SLCO1A2: variants seen among roughly 807,000 people sequenced by gnomAD.
SLCO1A2 encodes the protein OATP-1.
In SLCO1A2, 67 loss-of-function variants were observed where a neutral mutation model predicts 69.0. That is an observed-to-expected ratio of 0.97 (90% CI 0.80 to 1.19). The LOEUF (loss-of-function observed/expected upper bound fraction) is 1.19, where lower values mean the gene tolerates loss of function less well. SLCO1A2 is among the 50% of genes most tolerant of loss of function. The pLI, the probability that SLCO1A2 is intolerant of heterozygous loss-of-function variation, is 0.00. For synonymous variants in SLCO1A2, 260 were observed against 265.9 expected, an observed-to-expected ratio of 0.98 and a Z score of 0.22; for missense variants, 787 against 793.7, an observed-to-expected ratio of 0.99 and a Z score of 0.10.
chr12:21,319,697 G>A (rs917971560), intron 2 of SLCO1A2: 1 of 317,248 alleles, frequency 3.2e-6, no homozygotes, highest in Non-Finnish European at 6.3e-6. Flanking sequence ...CTTACTGCTT[G>A]CCTAATATAT....
chr12:21,323,542 G>A (rs1377166031), intron 2 of SLCO1A2, among the ~76,000 whole-genome samples: 1 of 152,124 alleles, frequency 6.6e-6, no homozygotes, highest in Non-Finnish European at 1.5e-5. Context: ...TCCAGCCTGG[G>A]TGACAGAGTA....
chr12:21,297,561 T>A lies in SLCO1A2; in HGVS notation c.918A>T (p.Leu306=). 6.4e-7 allele frequency: 1 copy of A among 1,565,440 alleles called. No individual in the cohort carries two copies. Among genetic ancestry groups the A allele is most frequent in the East Asian group, 2.3e-5 (1 of 43,504 alleles). The part of the protein sequence containing the change: ...KEKYGITKDF[L]PFMKSLSCNP... ...TGCAGGAAAGACTTTTCATGAAAGG[T>A]AGAAAATCTGAAATGAAAGAATGAC... Residue 306 remains leucine (L), a synonymous_variant, in exon 9 of 15, where the codon CTA becomes CTT. Transcript: ENST00000683939.
intron 5 of SLCO1A2, among the ~76,000 whole-genome samples, chr12:21,306,511 G>C (rs1407415623): frequency 1.3e-5 from 2 of 152,180 alleles, no homozygotes; most frequent in Non-Finnish European, 2.9e-5. Flanking sequence ...TTTTTTAATA[G>C]AGGTGGGGTT....
At chr12:21,411,429 C>T (rs772760359) in intron 1 of SLCO1A2, among the ~76,000 whole-genome samples, 1 of 152,126 alleles carries the variant, frequency 6.6e-6, no homozygotes, top group Non-Finnish European at 1.5e-5. Context: ...AAACATATTT[C>T]GACCTGTTTC....
At chr12:21,333,862 A>G (rs1952759786) in intron 2 of SLCO1A2, among the ~76,000 whole-genome samples, 1 of 152,052 alleles carries the variant, frequency 6.6e-6, no homozygotes. Flanking sequence ...GATTTATATC[A>G]TAATTCTCCA....
intron 2 of SLCO1A2, among the ~76,000 whole-genome samples, chr12:21,367,183 T>C (rs1347807035): frequency 6.6e-6 from 1 of 152,164 alleles, no homozygotes. Context: ...TACAATGAAA[T>C]AATGCCTTTA....
intron 2 of SLCO1A2, among the ~76,000 whole-genome samples, chr12:21,363,457 T>C (rs1441731865): frequency 1.3e-5 from 2 of 152,136 alleles, no homozygotes; most frequent in Non-Finnish European, 2.9e-5. Context: ...AGATCTTAAA[T>C]TGACACCCTA....
intron 14 of SLCO1A2, among the ~76,000 whole-genome samples, chr12:21,273,622 C>A (rs1168808909): frequency 6.6e-6 from 1 of 152,114 alleles, no homozygotes; most frequent in African/African-American, 2.4e-5. Context: ...TGAGGCCAAC[C>A]CTCAATAGTG....
intron 1 of SLCO1A2, among the ~76,000 whole-genome samples, chr12:21,415,143 G>A (rs1463406650): frequency 6.6e-6 from 1 of 151,826 alleles, no homozygotes; most frequent in Non-Finnish European, 1.5e-5. Flanking sequence ...ACTTAGACCT[G>A]CTGTTATTAT....
intron 1 of SLCO1A2, among the ~76,000 whole-genome samples, chr12:21,405,711 G>A (rs1941813076): frequency 6.6e-6 from 1 of 152,148 alleles, no homozygotes; most frequent in Admixed American, 6.6e-5. Flanking sequence ...GCCATATGCA[G>A]AAAATTGAAA....
chr12:21,407,693 C>G (rs73243257), intron 1 of SLCO1A2, among the ~76,000 whole-genome samples: 2,196 of 152,026 alleles, frequency 0.014, 55 homozygotes, highest in African/African-American at 0.05. Context: ...CCCAGCTACT[C>G]CCTACTCAGG....
chr12:21,274,163 A>G (rs1181793822), intron 14 of SLCO1A2: 1 of 191,664 alleles, frequency 5.2e-6, no homozygotes, highest in Non-Finnish European at 1.1e-5. Flanking sequence ...TATAAATTGG[A>G]TAGGTATCAG....
chr12:21,276,387 GACACACACACACACAC>G (rs3060629), intron 12 of SLCO1A2, among the ~76,000 whole-genome samples: 2 of 141,906 alleles, frequency 1.4e-5, no homozygotes, highest in Admixed American at 1.4e-4. Flanking sequence ...GATAAATATG[GACACACACACACACAC>G]ACACACACAC....
At chr12:21,387,116 A>G (rs1172738772) in intron 1 of SLCO1A2, among the ~76,000 whole-genome samples, 1 of 152,170 alleles carries the variant, frequency 6.6e-6, no homozygotes, top group Admixed American at 6.5e-5. Context: ...GAGATGATTT[A>G]GGGTTTCTGG....
At chr12:21,341,454 A>G (rs576260265) in intron 2 of SLCO1A2, among the ~76,000 whole-genome samples, 1 of 77,280 alleles carries the variant, frequency 1.3e-5, no homozygotes, top group Admixed American at 1.8e-4. Context: ...ATGTAATAAG[A>G]ATATAGAACA....
At chr12:21,388,227 G>T (rs2137145132) in intron 1 of SLCO1A2, among the ~76,000 whole-genome samples, 1 of 152,186 alleles carries the variant, frequency 6.6e-6, no homozygotes, top group South Asian at 2.1e-4. Context: ...TAAGACTTTG[G>T]GGGACTGTTG....
chr12:21,288,065 G>T (rs1206782062), intron 12 of SLCO1A2, among the ~76,000 whole-genome samples: 2 of 150,334 alleles, frequency 1.3e-5, no homozygotes, highest in African/African-American at 4.9e-5. Flanking sequence ...AACATGAATG[G>T]AACTGGAGGT....
chr12:21,305,437 A>G (rs965821280), intron 5 of SLCO1A2, among the ~76,000 whole-genome samples: 1 of 152,238 alleles, frequency 6.6e-6, no homozygotes, highest in Non-Finnish European at 1.5e-5. Flanking sequence ...AGCTGGGTCC[A>G]GGAATTTCTT....
upstream of SLCO1A2, among the ~76,000 whole-genome samples, chr12:21,398,678 T>C (rs1941569340): frequency 6.6e-6 from 1 of 151,652 alleles, no homozygotes; most frequent in Non-Finnish European, 1.5e-5. Context: ...TTATCCACCA[T>C]GATCAAGTGG....
Sources: allele counts gnomAD v4.1 joint callset (sites outside exome capture counted in the v4.1 genomes callset), GRCh38; gene constraint gnomAD v4.1.1; transcripts MANE v1.5; gene names NCBI Gene and HGNC (gene_info 2026-07-23, HGNC 2026-07-21).